Variants in MAP6 observed in about 807,000 individuals in gnomAD.
MAP6 encodes the protein microtubule-associated protein 6.
In MAP6, 26 loss-of-function variants were observed where a neutral mutation model predicts 42.4. That is an observed-to-expected ratio of 0.61 (90% CI 0.45 to 0.85). MAP6 has a LOEUF of 0.85. MAP6 is among the 40% of genes least tolerant of loss of function. MAP6 has a pLI of 0.00. For missense variants in MAP6, 966 were observed against 1,099.0 expected (o/e 0.88, Z 1.71); for synonymous variants, 418 against 443.8 (o/e 0.94, Z 0.73).
chr11:75,639,624 G>A (rs980089966), intron 1 of MAP6, among the ~76,000 whole-genome samples: 2 of 152,208 alleles, frequency 1.3e-5, no homozygotes, highest in East Asian at 3.8e-4. Flanking sequence ...AAACCCGACT[G>A]AAAGGAACTT....
At chr11:75,645,134 G>C (rs1007019567) in intron 1 of MAP6, among the ~76,000 whole-genome samples, 1 of 152,216 alleles carries the variant, frequency 6.6e-6, no homozygotes, top group Non-Finnish European at 1.5e-5. Flanking sequence ...CAGTAAACGT[G>C]AGAAGTGACT....
At chr11:75,646,701 G>A (rs1943559552) in intron 1 of MAP6, among the ~76,000 whole-genome samples, 1 of 151,986 alleles carries the variant, frequency 6.6e-6, no homozygotes, top group Admixed American at 6.6e-5. Context: ...TCGGGAGGCT[G>A]AGGCAGGAGA....
intron 1 of MAP6, among the ~76,000 whole-genome samples, chr11:75,613,317 A>G (rs1483148807): frequency 1.3e-5 from 2 of 151,872 alleles, no homozygotes. Flanking sequence ...TCCAAAGCTC[A>G]CACCTGGGGA....
At position 75,587,053 on chromosome 11, in the gene MAP6, T is replaced by TG; in HGVS notation, c.*5dup. ...GCTCCTTCATTGGTGTGTCAAGGGGTGAGTGTCAAGGGGAGCTCTCAATGT... is the reference window on the plus strand; with the variant it reads ...GCTCCTTCATTGGTGTGTCAAGGGGTGGAGTGTCAAGGGGAGCTCTCAATGT... On this transcript the variant is annotated 3_prime_UTR_variant, in exon 4 of 4. Transcript: ENST00000304771. 2 of 1,567,510 alleles carry TG rather than the reference T, an allele frequency of 1.3e-6. No homozygotes were observed. Among genetic ancestry groups the TG allele is most frequent in the Non-Finnish European group, 1.7e-6 (2 of 1,155,912 alleles).
intron 3 of MAP6, chr11:75,605,449 G>A (rs917831393): frequency 7.2e-5 from 74 of 1,034,082 alleles, no homozygotes; most frequent in Non-Finnish European, 7.6e-5. Flanking sequence ...TTGGGGATCT[G>A]GGAGGAGGAG....
chr11:75,598,291 G>T (rs539615763), intron 3 of MAP6, among the ~76,000 whole-genome samples: 1 of 152,186 alleles, frequency 6.6e-6, no homozygotes, highest in African/African-American at 2.4e-5. Context: ...TTAGAACCAG[G>T]CCTGTTGGTT....
rs192772835 is a variant in MAP6, at chr11:75,597,916, G to A, written c.1316+7892C>T. On this transcript the variant is annotated intron_variant, in intron 3 of 3. Transcript: ENST00000304771. ...GCTGCCATACTGTTAGGGACCAGGG[G>A]CAGTAATTAACTGGGAAGCTGTGGT... 4.3e-4 allele frequency among the ~76,000 whole-genome samples: 66 copies of A among 152,328 alleles called. 1 individual carries two copies. Among genetic ancestry groups the A allele is most frequent in the Middle Eastern group, 6.8e-3 (2 of 294 alleles).
At chr11:75,634,751 G>A (rs574308072) in intron 1 of MAP6, among the ~76,000 whole-genome samples, 3 of 152,264 alleles carry the variant, frequency 2.0e-5, no homozygotes, top group South Asian at 2.1e-4. Context: ...AACCATGCAC[G>A]GGTTAAGAGA....
rs181833142 is a variant in MAP6 at position 75,650,991 on chromosome 11, A to G, written c.905+16474T>C. 1.2e-4 allele frequency among the ~76,000 whole-genome samples: 19 copies of G among 152,114 alleles called. 1 individual carries two copies. The highest frequency in any genetic ancestry group is 4.3e-4 in the African/African-American group (18 of 41,470). On this transcript the variant is annotated intron_variant, in intron 1 of 3. Transcript: ENST00000304771. Reference sequence around the variant, plus strand: ...TCTGCTGCTCTGTCCTCTCCTCCTCACCCATCAGCACCACAATCCCCATCA... The same window carrying G: ...TCTGCTGCTCTGTCCTCTCCTCCTCGCCCATCAGCACCACAATCCCCATCA...
In MAP6 at chr11:75,668,512, T is replaced by A; in HGVS notation, c.-143A>T. On this transcript the variant is annotated 5_prime_UTR_variant, in exon 1 of 4. Transcript: ENST00000304771. ...CCGATCAGCCGGAGCTAGTTCGCCC[T>A]CCTCCCTCAGCGAGCACCCGGGGAG... 1 of 1,255,216 alleles carries A rather than the reference T, an allele frequency of 8.0e-7. No homozygotes were observed. 77.8% of individuals were successfully genotyped at this position (1,255,216 alleles called of 1,614,324 possible). A position where few individuals can be genotyped will look rare whatever the true frequency, so the allele number is the denominator to read the frequency against.
chr11:75,661,730 T>A (rs1943849854), intron 1 of MAP6, among the ~76,000 whole-genome samples: 1 of 152,224 alleles, frequency 6.6e-6, no homozygotes, highest in South Asian at 2.1e-4. Context: ...TCATACTTAA[T>A]GATAAAACTT....
chr11:75,623,981 G>A (rs1943155270), intron 1 of MAP6, among the ~76,000 whole-genome samples: 1 of 152,194 alleles, frequency 6.6e-6, no homozygotes, highest in South Asian at 2.1e-4. Context: ...CAGAGCTCTG[G>A]GGTGCATCAG....
Position 75,617,514 on chromosome 11 carries a change from C to CAAA in MAP6, c.906-9195_906-9193dup, listed in dbSNP as rs61477947. On this transcript the variant is annotated intron_variant, in intron 1 of 3. Coordinates refer to ENST00000304771, the MANE Select transcript of MAP6 (RefSeq NM_033063.2). ...CTGGGCAACAGAGCAAGACTGTCTCCAAAAAAAAAAAAAAAAAAAAAAAAA... is the reference window on the plus strand; with the variant it reads ...CTGGGCAACAGAGCAAGACTGTCTCCAAAAAAAAAAAAAAAAAAAAAAAAAAAA... 3.3e-3 allele frequency among the ~76,000 whole-genome samples: 93 copies of CAAA among 28,120 alleles called. 3 individuals carry two copies. The highest frequency in any genetic ancestry group is 8.4e-3 in the South Asian group (5 of 596). The allele number at this position is 28,120 out of a possible 152,430, so 18.4% of individuals were successfully genotyped here.
intron 1 of MAP6, among the ~76,000 whole-genome samples, chr11:75,656,694 T>C (rs61895143): frequency 2.0e-5 from 3 of 152,210 alleles, no homozygotes; most frequent in African/African-American, 7.2e-5. Context: ...ATGGGTTTGA[T>C]TCTCACCAAC....
chr11:75,603,458 A>G (rs1445957607), intron 3 of MAP6: 20 of 985,698 alleles, frequency 2.0e-5, no homozygotes, highest in African/African-American at 7.0e-5. Context: ...CACATTCAAG[A>G]GTCAAAGTGA....
At position 75,668,927 on chromosome 11, in the gene MAP6, G is replaced by A. The variant is rs1255733175; in HGVS notation, c.-558C>T. ...TGCCCGCGAGGATGCCGCAGCCGCC[G>A]CCGCCACCGCCTCTTCTCCTGGGAA... On this transcript the variant is annotated 5_prime_UTR_variant, in exon 1 of 4. Transcript: ENST00000304771. 2 of 167,318 alleles carry A rather than the reference G, an allele frequency of 1.2e-5. No individual in the cohort carries two copies. The highest frequency in any genetic ancestry group is 1.8e-4 in the East Asian group (1 of 5,428). 10.4% of individuals were successfully genotyped at this position (167,318 alleles called of 1,614,324 possible).
At chr11:75,588,284 G>A in intron 3 of MAP6, 100 bp from the exon 4 acceptor site, 1 of 1,106,982 alleles carries the variant, frequency 9.0e-7, no homozygotes, top group South Asian at 1.6e-5. Context: ...TGGAGCCTGG[G>A]CCGGGCAGCT....
intron 3 of MAP6, among the ~76,000 whole-genome samples, chr11:75,595,409 C>A (rs2135575356): frequency 6.6e-6 from 1 of 152,362 alleles, no homozygotes; most frequent in South Asian, 2.1e-4. Flanking sequence ...ACAGTTCAGA[C>A]TTGGTTCCCA....
rs944316079 is a variant in MAP6 at position 75,602,903 on chromosome 11, T to C, written c.1316+2905A>G. On this transcript the variant is annotated intron_variant, in intron 3 of 3. Coordinates refer to ENST00000304771, the MANE Select transcript of MAP6 (RefSeq NM_033063.2). ...TTTATTTATAATTGGAAAAACTGTT[T>C]GTTTGTTTGTTTTTCTGAGCAAGCA... 1.9e-5 allele frequency: 19 copies of C among 985,552 alleles called. No individual in the cohort carries two copies. The African/African-American group carries it at 3.0e-4, about 15-fold the overall frequency. 61.1% of individuals were successfully genotyped at this position (985,552 alleles called of 1,614,324 possible).
Sources: gnomAD v4.1 joint callset for allele counts (sites outside exome capture counted in the v4.1 genomes callset) on GRCh38, gnomAD v4.1.1 for gene constraint, MANE v1.5 for transcripts, NCBI Gene and HGNC (gene_info 2026-07-23, HGNC 2026-07-21) for gene names.